Variants in CNTNAP2 observed in about 807,000 individuals in gnomAD.
The protein encoded by CNTNAP2 is contactin associated protein 2, also known as contactin-associated protein-like 2.
In CNTNAP2, 98 loss-of-function variants were observed where a neutral mutation model predicts 155.2. The ratio of observed to expected loss-of-function variants is 0.63; its 90% confidence interval spans 0.54 to 0.75. The LOEUF (loss-of-function observed/expected upper bound fraction) is 0.75, where lower values mean the gene tolerates loss of function less well. Among genes scored for constraint, CNTNAP2 ranks in the 30% least tolerant of loss-of-function variants. CNTNAP2 has a pLI of 0.00. For synonymous variants in CNTNAP2, 651 were observed against 631.2 expected (o/e 1.03, Z -0.47); for missense variants, 1,727 against 1,688.1 (o/e 1.02, Z -0.40).
At chr7:147,238,291 A>C (rs994860763) in intron 8 of CNTNAP2, among the ~76,000 whole-genome samples, 3 of 152,186 alleles carry the variant, frequency 2.0e-5, no homozygotes, top group Non-Finnish European at 2.9e-5. Context: ...CTGAGATTAC[A>C]GGCGTGAGCC....
At chr7:148,207,849 G>A (rs1328562097) in intron 18 of CNTNAP2, among the ~76,000 whole-genome samples, 1 of 152,138 alleles carries the variant, frequency 6.6e-6, no homozygotes, top group Non-Finnish European at 1.5e-5. Flanking sequence ...TGTAATCCCA[G>A]CACTTTGGGA....
rs533707336 is a variant in CNTNAP2 at position 148,229,535 on chromosome 7, A to G, written c.3248-111A>G. 2.1e-5 allele frequency: 29 copies of G among 1,405,302 alleles called. 2 individuals are homozygous for G. In the South Asian group the frequency reaches 3.4e-4, roughly 16 times the overall value. The allele number at this position is 1,405,302 out of a possible 1,614,324, so 87.1% of individuals were successfully genotyped here. A position where few individuals can be genotyped will look rare whatever the true frequency, so the allele number is the denominator to read the frequency against. The stretch of plus-strand genomic sequence containing the variant: ...AAGACTCCGTCAAAAAAAAGAAAGA[A>G]AAGAAAAGAAAGGAAGAAAGAAAGA... On this transcript the variant is annotated intron_variant, in intron 19 of 23. Coordinates refer to ENST00000361727, the MANE Select transcript of CNTNAP2 (RefSeq NM_014141.6).
At chr7:146,693,792 G>A (rs1408614579) in intron 1 of CNTNAP2, among the ~76,000 whole-genome samples, 2 of 152,014 alleles carry the variant, frequency 1.3e-5, no homozygotes, top group Admixed American at 1.3e-4. Context: ...GTATGTAAAC[G>A]TGTGCCATGG....
chr7:148,012,089 T>A (rs1313235058), intron 15 of CNTNAP2, among the ~76,000 whole-genome samples: 8 of 152,200 alleles, frequency 5.3e-5, no homozygotes, highest in African/African-American at 1.9e-4. Context: ...CCTTTTTGTT[T>A]ATTTCTTTGT....
chr7:146,491,540 A>G (rs532250174), intron 1 of CNTNAP2, among the ~76,000 whole-genome samples: 1 of 152,116 alleles, frequency 6.6e-6, no homozygotes, highest in South Asian at 2.1e-4. Flanking sequence ...CTCCCCAAAG[A>G]TTAACTCCCC....
chr7:147,678,271 G>C (rs1795898006), intron 13 of CNTNAP2, among the ~76,000 whole-genome samples: 1 of 151,746 alleles, frequency 6.6e-6, no homozygotes, highest in Non-Finnish European at 1.5e-5. Flanking sequence ...CATGTTCTTA[G>C]CTGGCTTTGA....
intron 15 of CNTNAP2, among the ~76,000 whole-genome samples, chr7:148,001,351 C>T (rs374074817): frequency 8.5e-5 from 13 of 152,348 alleles, no homozygotes; most frequent in East Asian, 1.9e-4. Context: ...TGGCTCTACA[C>T]TGCGTCGAAC....
chr7:147,301,290 G>A (rs1794941720), intron 9 of CNTNAP2, among the ~76,000 whole-genome samples: 1 of 152,102 alleles, frequency 6.6e-6, no homozygotes, highest in Non-Finnish European at 1.5e-5. Flanking sequence ...TTTTCTAATT[G>A]AAAAAATGTG....
chr7:146,229,147 CTG>C (rs1799342960), intron 1 of CNTNAP2, among the ~76,000 whole-genome samples: 1 of 152,086 alleles, frequency 6.6e-6, no homozygotes, highest in East Asian at 1.9e-4. Context: ...TATGGAAGAA[CTG>C]CTTAAAAAAT....
At chr7:147,424,503 T>G (rs1797347039) in intron 10 of CNTNAP2, among the ~76,000 whole-genome samples, 1 of 152,120 alleles carries the variant, frequency 6.6e-6, no homozygotes, top group Non-Finnish European at 1.5e-5. Flanking sequence ...TTCCTTCTCA[T>G]TTAGATGTCT....
At chr7:146,254,144 CACACA>C in intron 1 of CNTNAP2, among the ~76,000 whole-genome samples, 1 of 143,752 alleles carries the variant, frequency 7.0e-6, no homozygotes. Context: ...CACACACACA[CACACA>C]CACACACACA....
intron 1 of CNTNAP2, among the ~76,000 whole-genome samples, chr7:146,242,091 GATTA>G (rs927167653): frequency 6.6e-6 from 1 of 152,048 alleles, no homozygotes; most frequent in Non-Finnish European, 1.5e-5. Context: ...TTGTTGTGAG[GATTA>G]ATTGTGATAA....
chr7:147,838,206 G>C (rs554961099), intron 13 of CNTNAP2, among the ~76,000 whole-genome samples: 10 of 152,152 alleles, frequency 6.6e-5, no homozygotes, highest in Non-Finnish European at 1.3e-4. Flanking sequence ...ACTGCATACA[G>C]CACAGGGACC....
rs532083289 is a variant in CNTNAP2 at position 146,617,660 on chromosome 7, A to G, written c.98-156611A>G. Among the ~76,000 whole-genome samples, 8 of 152,346 alleles carry G rather than the reference A, an allele frequency of 5.3e-5. No individual in the cohort carries two copies. In the South Asian group the frequency reaches 1.2e-3, roughly 24 times the overall value. On this transcript the variant is annotated intron_variant, in intron 1 of 23. Transcript: ENST00000361727. Reference sequence around the variant, plus strand: ...GTTTTTGGCCAATTAAAATTGATACATCAAATGTTAGAAAAAACTGAAACT... The same window carrying G: ...GTTTTTGGCCAATTAAAATTGATACGTCAAATGTTAGAAAAAACTGAAACT...
At chr7:147,765,468 G>A (rs1292239703) in intron 13 of CNTNAP2, among the ~76,000 whole-genome samples, 2 of 152,116 alleles carry the variant, frequency 1.3e-5, no homozygotes, top group Non-Finnish European at 2.9e-5. Flanking sequence ...CAATTAAGAT[G>A]AGACCCAGAA....
intron 20 of CNTNAP2, among the ~76,000 whole-genome samples, chr7:148,230,467 C>T (rs1333028611): frequency 6.6e-6 from 1 of 152,208 alleles, no homozygotes; most frequent in Non-Finnish European, 1.5e-5. Context: ...GGAACTGTCA[C>T]TGCATTCTCT....
chr7:146,899,948 G>T (rs1041643306), intron 3 of CNTNAP2, among the ~76,000 whole-genome samples: 2 of 152,182 alleles, frequency 1.3e-5, no homozygotes, highest in African/African-American at 4.8e-5. Context: ...ATAAGTGATT[G>T]TTGAAGGTGG....
intron 2 of CNTNAP2, among the ~76,000 whole-genome samples, chr7:146,795,029 A>C (rs1250690295): frequency 3.3e-5 from 5 of 152,206 alleles, no homozygotes; most frequent in African/African-American, 1.2e-4. Flanking sequence ...AGGGGCACCC[A>C]TTGCCTTTGA....
At chr7:147,645,235 TATA>T (rs1290846436) in intron 13 of CNTNAP2, among the ~76,000 whole-genome samples, 4 of 152,162 alleles carry the variant, frequency 2.6e-5, no homozygotes, top group Admixed American at 2.6e-4. Flanking sequence ...CATTGTAACA[TATA>T]ATCTATTTTT....
Sources: allele counts gnomAD v4.1 joint callset (sites outside exome capture counted in the v4.1 genomes callset), GRCh38; gene constraint gnomAD v4.1.1; transcripts MANE v1.5; gene names NCBI Gene and HGNC (gene_info 2026-07-23, HGNC 2026-07-21).